CNTN5: variants seen among roughly 807,000 people sequenced by gnomAD.
The protein encoded by CNTN5 is contactin-5.
In CNTN5, 77 loss-of-function variants were observed where a neutral mutation model predicts 129.1. The ratio of observed to expected loss-of-function variants is 0.60; its 90% CI spans 0.50 to 0.72. The LOEUF is 0.72. CNTN5 is among the 30% of genes least tolerant of loss of function. CNTN5 has a pLI of 0.00. For missense variants in CNTN5, 1,478 were observed against 1,328.8 expected, an observed-to-expected ratio of 1.11 and a Z score of -1.75; for synonymous variants, 509 against 465.6, an observed-to-expected ratio of 1.09 and a Z score of -1.20.
intron 2 of CNTN5, among the ~76,000 whole-genome samples, chr11:99,532,087 G>C (rs1426457361): frequency 6.6e-6 from 1 of 151,902 alleles, no homozygotes; most frequent in Non-Finnish European, 1.5e-5. Flanking sequence ...GTCAACAGCA[G>C]CCCCTGAAAC....
At chr11:99,904,075 T>G (rs191369299) in intron 6 of CNTN5, among the ~76,000 whole-genome samples, 1 of 152,296 alleles carries the variant, frequency 6.6e-6, no homozygotes, top group Admixed American at 6.5e-5. Context: ...TTTCTTTTAT[T>G]GCTTGCAAAT....
At chr11:99,202,382 A>G (rs1305077496) in intron 1 of CNTN5, among the ~76,000 whole-genome samples, 1 of 152,222 alleles carries the variant, frequency 6.6e-6, no homozygotes, top group Non-Finnish European at 1.5e-5. Context: ...GTCATGGATT[A>G]CTGGGCAGTA....
chr11:99,494,247 T>C (rs1946142914), intron 2 of CNTN5, among the ~76,000 whole-genome samples: 1 of 152,168 alleles, frequency 6.6e-6, no homozygotes. Flanking sequence ...TCTTAATCTT[T>C]AGATTAATGT....
At chr11:99,541,202 A>G (rs968254071) in intron 2 of CNTN5, among the ~76,000 whole-genome samples, 3 of 152,178 alleles carry the variant, frequency 2.0e-5, no homozygotes, top group Admixed American at 6.5e-5. Context: ...ATCCTCTGAC[A>G]TGCACAGTGG....
chr11:99,465,805 A>C (rs1004543657), intron 2 of CNTN5, among the ~76,000 whole-genome samples: 2 of 150,052 alleles, frequency 1.3e-5, no homozygotes, highest in African/African-American at 4.9e-5. Flanking sequence ...TGGAAGGCAA[A>C]GGGGGAAGCA....
At chr11:100,253,455 A>G (rs564077650) in intron 16 of CNTN5, among the ~76,000 whole-genome samples, 2 of 152,104 alleles carry the variant, frequency 1.3e-5, no homozygotes, top group Non-Finnish European at 2.9e-5. Flanking sequence ...TACCTCCTCT[A>G]TGAAATGGGG....
At chr11:100,102,784 G>T (rs1945274353) in intron 13 of CNTN5, among the ~76,000 whole-genome samples, 1 of 152,084 alleles carries the variant, frequency 6.6e-6, no homozygotes, top group African/African-American at 2.4e-5. Context: ...TGTTAATAAT[G>T]CTTGATCATA....
chr11:99,137,410 T>C (rs2135451840), intron 1 of CNTN5, among the ~76,000 whole-genome samples: 1 of 152,260 alleles, frequency 6.6e-6, no homozygotes, highest in Non-Finnish European at 1.5e-5. Context: ...ATACTTTCTT[T>C]CTTGATTGCT....
chr11:99,841,229 C>T (rs1947478905), intron 4 of CNTN5, among the ~76,000 whole-genome samples: 1 of 152,148 alleles, frequency 6.6e-6, no homozygotes, highest in Non-Finnish European at 1.5e-5. Context: ...AAAGAGATGT[C>T]TCACAAAGTA....
intron 3 of CNTN5, among the ~76,000 whole-genome samples, chr11:99,661,346 G>A (rs566921342): frequency 9.2e-5 from 14 of 152,256 alleles, no homozygotes; most frequent in African/African-American, 2.6e-4. Context: ...AGAACTTAGC[G>A]AAGTGTCTTA....
At chr11:99,924,748 T>C (rs1401766541) in intron 7 of CNTN5, among the ~76,000 whole-genome samples, 2 of 152,164 alleles carry the variant, frequency 1.3e-5, no homozygotes, top group Non-Finnish European at 1.5e-5. Flanking sequence ...CTTCTATTCA[T>C]TTCAAAATTT....
intron 1 of CNTN5, among the ~76,000 whole-genome samples, chr11:99,269,367 T>C (rs1172117947): frequency 3.3e-5 from 5 of 151,622 alleles, no homozygotes; most frequent in Non-Finnish European, 7.4e-5. Flanking sequence ...TTTTAAATCG[T>C]GGGGGAGATA....
At chr11:99,101,403 T>C (rs1188551968) in intron 1 of CNTN5, among the ~76,000 whole-genome samples, 1 of 152,216 alleles carries the variant, frequency 6.6e-6, no homozygotes, top group Admixed American at 6.5e-5. Context: ...GTAACTCATT[T>C]CAGCATTAAC....
At chr11:100,111,958 C>T (rs1287373453) in intron 13 of CNTN5, among the ~76,000 whole-genome samples, 5 of 152,148 alleles carry the variant, frequency 3.3e-5, no homozygotes, top group Admixed American at 6.5e-5. Context: ...GTTTACACTA[C>T]GTTGTATAGG....
chr11:100,297,824 G>A (rs1242888323), intron 19 of CNTN5, 129 bp downstream of exon 19: 1 of 672,934 alleles, frequency 1.5e-6, no homozygotes, highest in Non-Finnish European at 2.6e-6. Context: ...AGGAAGGAAT[G>A]AACCACTGCT....
At position 100,171,813 on chromosome 11, in the gene CNTN5, C is replaced by G. The variant is rs554219232; in HGVS notation, c.1581-19313C>G. On this transcript the variant is annotated intron_variant, in intron 13 of 24. Coordinates refer to ENST00000524871, the MANE Select transcript of CNTN5 (RefSeq NM_014361.4). ...AACGAAGGAATGTATTTAGTTGAGA[C>G]AGGTTTTTACCAAACTATTCGAAAA... is the stretch of plus-strand genomic sequence containing the variant. Among the ~76,000 whole-genome samples, 55 of 150,670 alleles carry G rather than the reference C, an allele frequency of 3.7e-4. 1 individual carries two copies. The highest frequency in any genetic ancestry group is 1.3e-3 in the African/African-American group (51 of 40,540).
intron 1 of CNTN5, among the ~76,000 whole-genome samples, chr11:99,165,273 A>C (rs1860817095): frequency 6.6e-6 from 1 of 152,212 alleles, no homozygotes; most frequent in Non-Finnish European, 1.5e-5. Flanking sequence ...ATCATTCTGA[A>C]AACGATAAAA....
chr11:99,258,739 G>T (rs550114985), intron 1 of CNTN5, among the ~76,000 whole-genome samples: 12 of 151,810 alleles, frequency 7.9e-5, no homozygotes, highest in African/African-American at 2.7e-4. Flanking sequence ...GCTAGTTGGG[G>T]TTACAAAAAT....
intron 16 of CNTN5, among the ~76,000 whole-genome samples, chr11:100,241,295 T>C (rs530158077): frequency 6.6e-6 from 1 of 152,302 alleles, no homozygotes; most frequent in African/African-American, 2.4e-5. Context: ...CAGCATTACT[T>C]TTATAGTGGA....
Sources: allele counts gnomAD v4.1 joint callset (sites outside exome capture counted in the v4.1 genomes callset), GRCh38; gene constraint gnomAD v4.1.1; transcripts MANE v1.5; gene names NCBI Gene and HGNC (gene_info 2026-07-23, HGNC 2026-07-21).